The following CCDC33 variants were observed in gnomAD, a reference collection of about 807,000 sequenced individuals.
CCDC33 encodes coiled-coil domain-containing protein 33.
In CCDC33, 94 loss-of-function variants were observed where a neutral mutation model predicts 91.9. The observed-to-expected ratio is 1.02, with a 90% CI of 0.87 to 1.21. The LOEUF is 1.21. Among genes scored for constraint, CCDC33 ranks in the 50% most tolerant of loss-of-function variants. The probability of loss-of-function intolerance (pLI) is 0.00; values close to 1 mark genes in which losing one functional copy is unlikely to be tolerated. For missense variants in CCDC33, 940 were observed against 935.5 expected (o/e 1.00, Z -0.06); for synonymous variants, 396 against 374.5 (o/e 1.06, Z -0.66).
At chr15:74,232,167 A>G (rs1276100722), upstream of CCDC33, among the ~76,000 whole-genome samples, 1 of 152,192 alleles carries the variant, frequency 6.6e-6, no homozygotes, top group African/African-American at 2.4e-5. Flanking sequence ...GGTGACGATG[A>G]CAGCAGTAAT....
chr15:74,283,082 G>C (rs1285645128), intron 10 of CCDC33, among the ~76,000 whole-genome samples: 1 of 152,132 alleles, frequency 6.6e-6, no homozygotes, highest in Non-Finnish European at 1.5e-5. Context: ...ATCTGGGTTG[G>C]TACCAGCCTG....
At chr15:74,262,756 G>A (rs563885999) in intron 3 of CCDC33, among the ~76,000 whole-genome samples, 183 bp downstream of exon 3, 5 of 152,142 alleles carry the variant, frequency 3.3e-5, no homozygotes, top group Admixed American at 1.3e-4. Flanking sequence ...CATCCTGCTC[G>A]AAAAATGAGT....
At chr15:74,262,890 C>T (rs776277112) in intron 3 of CCDC33, among the ~76,000 whole-genome samples, 1 of 152,100 alleles carries the variant, frequency 6.6e-6, no homozygotes, top group African/African-American at 2.4e-5. Context: ...CTTCCTGGCA[C>T]GTCCCCACAC....
intron 2 of CCDC33, among the ~76,000 whole-genome samples, chr15:74,249,697 A>G (rs998429515): frequency 1.3e-5 from 2 of 152,158 alleles, no homozygotes; most frequent in Non-Finnish European, 2.9e-5. Flanking sequence ...CCCGTGCACT[A>G]GGGGTAAATT....
intron 10 of CCDC33, among the ~76,000 whole-genome samples, chr15:74,282,775 G>A (rs930137864): frequency 7.9e-5 from 12 of 152,128 alleles, no homozygotes; most frequent in African/African-American, 2.2e-4. Context: ...GATGAGCCTC[G>A]ATCCCTCTCG....
intron 18 of CCDC33, 180 bp downstream of exon 18, chr15:74,335,268 C>T: frequency 1.4e-6 from 1 of 701,266 alleles, no homozygotes; most frequent in Admixed American, 2.0e-5. Flanking sequence ...GTCTTAATTC[C>T]CCCACCTGTC....
chr15:74,312,507 C>T (rs7167237), intron 11 of CCDC33, among the ~76,000 whole-genome samples: 14 of 152,312 alleles, frequency 9.2e-5, no homozygotes, highest in African/African-American at 3.4e-4. Context: ...GTGCTCGTTA[C>T]AGCTTCTCCC....
intron 11 of CCDC33, among the ~76,000 whole-genome samples, chr15:74,308,801 G>T (rs962645166): frequency 2.0e-5 from 3 of 152,188 alleles, no homozygotes; most frequent in Non-Finnish European, 4.4e-5. Flanking sequence ...ATTTGGAAGG[G>T]CCAGGAAGAG....
intron 5 of CCDC33, 79 bp from the exon 6 acceptor site, chr15:74,271,624 G>A: frequency 9.8e-7 from 1 of 1,024,654 alleles, no homozygotes; most frequent in Non-Finnish European, 1.5e-6. Flanking sequence ...GAAAAAGAGG[G>A]TAGGCAGTCT....
chr15:74,263,593 G>A (rs2076085572), intron 3 of CCDC33, among the ~76,000 whole-genome samples: 2 of 152,348 alleles, frequency 1.3e-5, no homozygotes, highest in East Asian at 1.9e-4. Context: ...AGGGATAGGT[G>A]GAGCTGTTGG....
chr15:74,236,838 C>A, intron 1 of CCDC33, 98 bp downstream of exon 1: 1 of 1,194,662 alleles, frequency 8.4e-7, no homozygotes, highest in Non-Finnish European at 1.2e-6. Flanking sequence ...ATGACAAAAG[C>A]TTCCCTTCCC....
At chr15:74,247,890 A>G (rs2075587407) in intron 2 of CCDC33, among the ~76,000 whole-genome samples, 1 of 152,166 alleles carries the variant, frequency 6.6e-6, no homozygotes. Flanking sequence ...CAGCCTGGCC[A>G]ACATAGTGAA....
intron 10 of CCDC33, among the ~76,000 whole-genome samples, chr15:74,294,967 G>A (rs351194): frequency 0.98 from 149,630 of 152,282 alleles, 73,569 homozygotes; most frequent in East Asian, 1. Flanking sequence ...GGAGGAGAAC[G>A]GGAAAAGAAC....
At chr15:74,295,009 C>T (rs1457214910) in intron 10 of CCDC33, among the ~76,000 whole-genome samples, 4 of 152,144 alleles carry the variant, frequency 2.6e-5, no homozygotes, top group African/African-American at 9.7e-5. Flanking sequence ...TCAGAATATA[C>T]AGAGAGGAGA....
At chr15:74,277,187 C>T (rs1213266702) in intron 7 of CCDC33, among the ~76,000 whole-genome samples, 2 of 152,214 alleles carry the variant, frequency 1.3e-5, no homozygotes, top group Non-Finnish European at 2.9e-5. Context: ...GGCATATCCC[C>T]ATGGGATGAT....
At chr15:74,305,687 C>G (rs1324953033) in intron 11 of CCDC33, among the ~76,000 whole-genome samples, 2 of 152,220 alleles carry the variant, frequency 1.3e-5, no homozygotes, top group Non-Finnish European at 2.9e-5. Context: ...GGCACCTACT[C>G]ATTCATTCAT....
intron 5 of CCDC33, among the ~76,000 whole-genome samples, chr15:74,270,543 A>G (rs1244177616): frequency 4.6e-5 from 7 of 152,024 alleles, no homozygotes; most frequent in Admixed American, 4.6e-4. Context: ...GGGAAAGAGG[A>G]TGGATTAGGG....
chr15:74,234,379 C>G (rs2075079873), upstream of CCDC33, among the ~76,000 whole-genome samples: 2 of 152,212 alleles, frequency 1.3e-5, no homozygotes, highest in African/African-American at 4.8e-5. Context: ...GAGGAGCAAG[C>G]CCACTTCTCT....
chr15:74,227,782 C>T (rs1175650790), intron 2 of CCDC33, among the ~76,000 whole-genome samples: 1 of 152,168 alleles, frequency 6.6e-6, no homozygotes, highest in African/African-American at 2.4e-5. Context: ...AATAGGTGTT[C>T]CTGAGCAAGT....
Sources: gnomAD v4.1 joint callset for allele counts (sites outside exome capture counted in the v4.1 genomes callset) on GRCh38, gnomAD v4.1.1 for gene constraint, MANE v1.5 for transcripts, NCBI Gene and HGNC (gene_info 2026-07-23, HGNC 2026-07-21) for gene names.